CDH13: variants seen among roughly 807,000 people sequenced by gnomAD.
The protein encoded by CDH13 is cadherin-13.
In CDH13, 24 loss-of-function variants were observed where a neutral mutation model predicts 63.8. That is an observed-to-expected ratio of 0.38 (90% confidence interval 0.27 to 0.53). The LOEUF (loss-of-function observed/expected upper bound fraction) is 0.53, where lower values mean the gene tolerates loss of function less well. Ranked by LOEUF, CDH13 falls within the 20% of genes least tolerant of loss-of-function variation. The pLI is 0.85. For missense variants in CDH13, 1,049 were observed against 903.1 expected, an observed-to-expected ratio of 1.16 and a Z score of -2.07; for synonymous variants, 503 against 355.3, an observed-to-expected ratio of 1.42 and a Z score of -4.67.
At chr16:83,258,767 GAGTTAATTAAA>G (rs933954802) in intron 5 of CDH13, among the ~76,000 whole-genome samples, 2 of 152,134 alleles carry the variant, frequency 1.3e-5, no homozygotes, top group Non-Finnish European at 2.9e-5. Flanking sequence ...TGCTCTAATT[GAGTTAATTAAA>G]AGTTAATGGC....
intron 2 of CDH13, among the ~76,000 whole-genome samples, chr16:82,881,294 T>A (rs2151204445): frequency 6.6e-6 from 1 of 152,098 alleles, no homozygotes; most frequent in African/African-American, 2.4e-5. Flanking sequence ...TGACCTCAGA[T>A]GAGGATTGGT....
At chr16:83,580,438 T>G (rs1567781309) in intron 7 of CDH13, among the ~76,000 whole-genome samples, 1 of 144,658 alleles carries the variant, frequency 6.9e-6, no homozygotes, top group Non-Finnish European at 1.5e-5. Flanking sequence ...CAGTTTTCAT[T>G]TCTGTTCATT....
At chr16:83,454,254 G>A (rs966714698) in intron 6 of CDH13, among the ~76,000 whole-genome samples, 1 of 152,204 alleles carries the variant, frequency 6.6e-6, no homozygotes, top group Non-Finnish European at 1.5e-5. Flanking sequence ...CCATCTCTGG[G>A]CATAGCTTGT....
chr16:83,271,817 A>C (rs1411513876), intron 5 of CDH13, among the ~76,000 whole-genome samples: 3 of 152,332 alleles, frequency 2.0e-5, no homozygotes, highest in South Asian at 2.1e-4. Flanking sequence ...TCCAGTAAAA[A>C]TGCTGCTGTC....
At chr16:83,049,325 CT>C (rs34082309) in intron 3 of CDH13, among the ~76,000 whole-genome samples, 91 of 126,062 alleles carry the variant, frequency 7.2e-4, no homozygotes, top group South Asian at 1.7e-3. Flanking sequence ...TGACTGGCCT[CT>C]TTTTTTTTTT....
chr16:83,231,684 C>A (rs1457049133), intron 5 of CDH13, among the ~76,000 whole-genome samples: 2 of 152,172 alleles, frequency 1.3e-5, no homozygotes, highest in Non-Finnish European at 2.9e-5. Flanking sequence ...GAATAGTTGT[C>A]AGAGTGTGGC....
chr16:82,645,972 T>A (rs1330958047), intron 1 of CDH13, among the ~76,000 whole-genome samples: 6 of 152,256 alleles, frequency 3.9e-5, no homozygotes, highest in African/African-American at 1.4e-4. Flanking sequence ...TTATCTGTTC[T>A]ATTAGATAAA....
intron 6 of CDH13, among the ~76,000 whole-genome samples, chr16:83,351,786 C>G (rs1244674003): frequency 1.3e-5 from 2 of 152,184 alleles, no homozygotes; most frequent in Non-Finnish European, 2.9e-5. Flanking sequence ...GATCCCTATT[C>G]AGGTGATGCT....
intron 1 of CDH13, among the ~76,000 whole-genome samples, chr16:82,665,321 C>G (rs4783250): frequency 6.6e-6 from 1 of 151,814 alleles, no homozygotes; most frequent in African/African-American, 2.4e-5. Flanking sequence ...AAGCTTTGTT[C>G]CAGCATGAGT....
intron 5 of CDH13, among the ~76,000 whole-genome samples, chr16:83,332,388 A>G (rs1331945494): frequency 6.6e-6 from 1 of 152,142 alleles, no homozygotes; most frequent in Non-Finnish European, 1.5e-5. Flanking sequence ...GTATGTATCA[A>G]CCCTAATTTT....
At chr16:83,390,858 G>T (rs1209269454) in intron 6 of CDH13, among the ~76,000 whole-genome samples, 1 of 152,156 alleles carries the variant, frequency 6.6e-6, no homozygotes, top group East Asian at 1.9e-4. Flanking sequence ...AAGATTTGCT[G>T]TCACCCCCTG....
chr16:83,108,840 T>C (rs570329770), intron 3 of CDH13, among the ~76,000 whole-genome samples: 1 of 152,276 alleles, frequency 6.6e-6, no homozygotes, highest in South Asian at 2.1e-4. Flanking sequence ...AAATGACTGA[T>C]GGGAGCTGGG....
chr16:83,350,287 A>T (rs1179053054), intron 6 of CDH13, among the ~76,000 whole-genome samples: 1 of 152,232 alleles, frequency 6.6e-6, no homozygotes, highest in Non-Finnish European at 1.5e-5. Flanking sequence ...CCCACCCTGG[A>T]CGGGTGGGGC....
chr16:83,066,542 A>G (rs1227812158), intron 3 of CDH13, among the ~76,000 whole-genome samples: 1 of 152,222 alleles, frequency 6.6e-6, no homozygotes, highest in Non-Finnish European at 1.5e-5. Context: ...TAAAGCCTGA[A>G]TACCAATTTC....
At position 83,109,349 on chromosome 16, in the gene CDH13, G is replaced by A. The variant is rs539901244; in HGVS notation, c.367-16036G>A. The stretch of plus-strand genomic sequence containing the variant: ...GATGTGAGTGTCTAACCCCTCAACT[G>A]CTGAGAAAAGGGATGCAGGAAACCC... On this transcript the variant is annotated intron_variant, in intron 3 of 13. Transcript: ENST00000567109. Among the ~76,000 whole-genome samples, 3 of 152,302 alleles carry A rather than the reference G, an allele frequency of 2.0e-5. No individual in the cohort carries two copies. The South Asian group carries it at 6.2e-4, about 32-fold the overall frequency.
intron 5 of CDH13, among the ~76,000 whole-genome samples, chr16:83,320,142 T>C (rs1431052941): frequency 6.6e-6 from 1 of 152,096 alleles, no homozygotes; most frequent in Non-Finnish European, 1.5e-5. Flanking sequence ...CAGGCTCAAG[T>C]GATCCTTGCA....
intron 1 of CDH13, among the ~76,000 whole-genome samples, chr16:82,726,792 T>A (rs533380627): frequency 2.6e-5 from 4 of 152,350 alleles, no homozygotes; most frequent in African/African-American, 9.6e-5. Context: ...ATTGTTTTCA[T>A]TGAATTACTG....
intron 1 of CDH13, among the ~76,000 whole-genome samples, chr16:82,831,333 C>T (rs191782571): frequency 4.6e-4 from 70 of 152,246 alleles, no homozygotes; most frequent in African/African-American, 1.6e-3. Context: ...TGCTTTCATC[C>T]AGAATCCTAA....
At chr16:82,781,266 A>G (rs1197840232) in intron 1 of CDH13, among the ~76,000 whole-genome samples, 1 of 152,226 alleles carries the variant, frequency 6.6e-6, no homozygotes, top group African/African-American at 2.4e-5. Context: ...ATAGCTTGAA[A>G]TTACAGCATT....
Sources: allele counts gnomAD v4.1 joint callset (sites outside exome capture counted in the v4.1 genomes callset), GRCh38; gene constraint gnomAD v4.1.1; transcripts MANE v1.5; gene names NCBI Gene and HGNC (gene_info 2026-07-23, HGNC 2026-07-21).